Variants in SLC45A4 observed in about 807,000 individuals in gnomAD.
SLC45A4 encodes solute carrier family 45 member 4.
A neutral mutation model predicts 63.7 loss-of-function variants in SLC45A4; 32 were observed. The observed-to-expected ratio is 0.50, with a 90% CI of 0.38 to 0.67. The LOEUF (loss-of-function observed/expected upper bound fraction) is 0.67, where lower values mean the gene tolerates loss of function less well. SLC45A4 is among the 30% of genes least tolerant of loss of function. SLC45A4 has a pLI of 0.00. For missense variants in SLC45A4, 1,027 were observed against 1,157.7 expected, an observed-to-expected ratio of 0.89 and a Z score of 1.64; for synonymous variants, 535 against 510.0, an observed-to-expected ratio of 1.05 and a Z score of -0.66.
chr8:141,223,976 C>T (rs1355609272), intron 2 of SLC45A4, among the ~76,000 whole-genome samples: 1 of 151,974 alleles, frequency 6.6e-6, no homozygotes, highest in Non-Finnish European at 1.5e-5. Context: ...GATATCCCTT[C>T]GCTTAATCCT....
At chr8:141,274,892 G>C (rs1829672860) in intron 1 of SLC45A4, among the ~76,000 whole-genome samples, 1 of 152,238 alleles carries the variant, frequency 6.6e-6, no homozygotes, top group African/African-American at 2.4e-5. Context: ...ACTCACAACA[G>C]GGGTTCACCA....
At chr8:141,219,165 G>T in intron 4 of SLC45A4, 136 bp from the exon 5 acceptor site, 2 of 1,027,282 alleles carry the variant, frequency 1.9e-6, no homozygotes, top group Non-Finnish European at 2.8e-6. Context: ...GAAGGAGAAA[G>T]CAGTAGGAAA....
chr8:141,251,660 T>C (rs1350869457), intron 2 of SLC45A4, among the ~76,000 whole-genome samples: 1 of 152,062 alleles, frequency 6.6e-6, no homozygotes, highest in African/African-American at 2.4e-5. Flanking sequence ...CCCCAGGTCC[T>C]CTGGCCTTCT....
chr8:141,258,907 A>AAC (rs1828931894), intron 1 of SLC45A4, among the ~76,000 whole-genome samples: 1 of 151,232 alleles, frequency 6.6e-6, no homozygotes, highest in Admixed American at 6.6e-5. Context: ...AAAAAAAAAA[A>AAC]CAGACTCTAA....
intron 1 of SLC45A4, among the ~76,000 whole-genome samples, chr8:141,279,296 C>G (rs1056738938): frequency 5.9e-5 from 9 of 152,246 alleles, no homozygotes; most frequent in Admixed American, 3.9e-4. Flanking sequence ...GGAAACGGCT[C>G]TGGAGGGGAG....
intron 1 of SLC45A4, among the ~76,000 whole-genome samples, chr8:141,303,337 G>C (rs1259213600): frequency 1.0e-5 from 1 of 97,608 alleles, no homozygotes; most frequent in Non-Finnish European, 2.0e-5. Flanking sequence ...GTGGGGTTTT[G>C]CCGTGTTGCT....
In SLC45A4 at chr8:141,215,962, G is replaced by A; in HGVS notation, c.1738C>T (p.Gln580Ter). The change falls in exon 7 of 9, where the codon CAG becomes TAG. Residue 580 changes from glutamine (Q) to a stop codon, truncating the protein, a stop_gained. Transcript: ENST00000517878. LOFTEE classifies it high-confidence loss of function. This position sits in a 1 kb window ranked among gnomAD's most constrained non-coding sequence, Gnocchi z 4.3. ...AGGTCGTAGTTGTCCAAGTACTTCTGTAACAGGGCTGCAGAGAGGGGCACA... is the reference window on the plus strand; with the variant it reads ...AGGTCGTAGTTGTCCAAGTACTTCTATAACAGGGCTGCAGAGAGGGGCACA... The part of the protein sequence containing the change: ...ATGAICSALL[Q>*]KYLDNYDLSV... 1 of 1,613,410 alleles carries A rather than the reference G, an allele frequency of 6.2e-7. No homozygotes were observed. Among genetic ancestry groups the A allele is most frequent in the Non-Finnish European group, 8.5e-7 (1 of 1,179,840 alleles).
intron 2 of SLC45A4, among the ~76,000 whole-genome samples, chr8:141,230,882 C>T (rs908918848): frequency 3.9e-5 from 6 of 152,218 alleles, no homozygotes; most frequent in African/African-American, 9.6e-5. Flanking sequence ...GCCCCAACGA[C>T]GCGGAACCAG....
At chr8:141,266,755 G>A (rs1474598656) in intron 1 of SLC45A4, among the ~76,000 whole-genome samples, 3 of 152,208 alleles carry the variant, frequency 2.0e-5, no homozygotes, top group Non-Finnish European at 4.4e-5. Flanking sequence ...CTCCCCACAT[G>A]TATTCAGTGC....
chr8:141,273,041 A>G (rs924147418), intron 1 of SLC45A4, among the ~76,000 whole-genome samples: 2 of 152,236 alleles, frequency 1.3e-5, no homozygotes, highest in South Asian at 4.1e-4. Flanking sequence ...AAGAAGATGC[A>G]GTGTCCGACA....
At chr8:141,228,593 G>A (rs193014579) in intron 2 of SLC45A4, 42 of 1,153,386 alleles carry the variant, frequency 3.6e-5, no homozygotes, top group East Asian at 3.4e-4. Flanking sequence ...ACCCATTCTC[G>A]GCTCTTTAAA....
Position 141,229,995 on chromosome 8 carries a change from T to C in SLC45A4, c.242-8230A>G, listed in dbSNP as rs560590572. 4.4e-6 allele frequency: 2 copies of C among 452,978 alleles called. No homozygotes were observed. The highest frequency in any genetic ancestry group is 8.9e-6 in the Non-Finnish European group (2 of 224,952). The allele number at this position is 452,978 out of a possible 1,614,324, so 28.1% of individuals were successfully genotyped here. A position where few individuals can be genotyped will look rare whatever the true frequency, so the allele number is the denominator to read the frequency against. ...GGCCGTGGTGCTCTGATGACATCCA[T>C]GGGCAGTGAGTTCAAAATGCTGGAA... On this transcript the variant is annotated intron_variant, in intron 2 of 8. Transcript: ENST00000517878. The surrounding 1 kb of genome is among the most constrained non-coding windows in gnomAD (Gnocchi z 5.0).
intron 1 of SLC45A4, among the ~76,000 whole-genome samples, chr8:141,264,502 A>G (rs1310081836): frequency 6.6e-6 from 1 of 152,160 alleles, no homozygotes; most frequent in Non-Finnish European, 1.5e-5. Flanking sequence ...GTGCTGTCCT[A>G]ATAATTCTCT....
At chr8:141,242,396 C>T (rs906218478) in intron 2 of SLC45A4, among the ~76,000 whole-genome samples, 5 of 152,200 alleles carry the variant, frequency 3.3e-5, no homozygotes, top group East Asian at 1.9e-4. Flanking sequence ...CGGGAATGAA[C>T]GTGGCTCCTG....
intron 2 of SLC45A4, among the ~76,000 whole-genome samples, chr8:141,235,164 G>A (rs578097015): frequency 9.9e-5 from 15 of 152,256 alleles, no homozygotes; most frequent in South Asian, 4.1e-4. Context: ...CGAAGCCCCC[G>A]ACCCACAGCA....
chr8:141,282,871 G>A (rs1004276530), intron 1 of SLC45A4, among the ~76,000 whole-genome samples: 1 of 152,252 alleles, frequency 6.6e-6, no homozygotes, highest in East Asian at 1.9e-4. Context: ...CCAGAAGTGG[G>A]GCTGGCTGGC....
chr8:141,253,079 CTG>C (rs1184537381), intron 2 of SLC45A4: 2 of 166,562 alleles, frequency 1.2e-5, no homozygotes, highest in African/African-American at 4.9e-5. Flanking sequence ...CTGCGAGTGT[CTG>C]TGAATTTCCG....
chr8:141,296,040 AT>A, intron 1 of SLC45A4, among the ~76,000 whole-genome samples: 1 of 152,032 alleles, frequency 6.6e-6, no homozygotes, highest in Non-Finnish European at 1.5e-5. Context: ...ATATAAAAAT[AT>A]TTAAAATTAG....
rs941196447 is a variant in SLC45A4, at chr8:141,259,638, T to A, written c.-400-5009A>T. 1.3e-5 allele frequency among the ~76,000 whole-genome samples: 2 copies of A among 152,106 alleles called. 1 individual carries two copies. Among genetic ancestry groups the A allele is most frequent in the South Asian group, 4.1e-4 (2 of 4,824 alleles). ...GCTCACTGGACCCCTTTAGAACGGG[T>A]GATCCCCATCTTGCACAAAGGATTA... On this transcript the variant is annotated intron_variant, in intron 1 of 8. Coordinates refer to ENST00000517878, the MANE Select transcript of SLC45A4 (RefSeq NM_001286646.2).
Sources: allele counts gnomAD v4.1 joint callset (sites outside exome capture counted in the v4.1 genomes callset), GRCh38; gene constraint gnomAD v4.1.1; non-coding constraint Gnocchi (gnomAD v3.1); transcripts MANE v1.5; gene names NCBI Gene and HGNC (gene_info 2026-07-23, HGNC 2026-07-21).